The following CUX1 variants were observed in gnomAD, a reference collection of about 807,000 sequenced individuals.
CUX1 encodes the protein cut like homeobox 1.
Under a neutral mutation model 158.8 loss-of-function variants are expected in CUX1, and 31 were observed. The ratio of observed to expected loss-of-function variants is 0.20; its 90% CI spans 0.15 to 0.26. The LOEUF (loss-of-function observed/expected upper bound fraction) is 0.26, where lower values mean the gene tolerates loss of function less well. CUX1 is among the 10% of genes least tolerant of loss of function. The pLI is 1.00. For synonymous variants in CUX1, 879 were observed against 862.1 expected (o/e 1.02, Z -0.34); for missense variants, 1,589 against 2,014.6 (o/e 0.79, Z 4.04).
intron 1 of CUX1, among the ~76,000 whole-genome samples, chr7:101,863,814 T>C (rs1253429198): frequency 1.3e-4 from 20 of 152,242 alleles, no homozygotes. Flanking sequence ...TGTCTTTCTG[T>C]GACTGGCTCA....
chr7:102,102,057 C>T (rs1235622032), intron 5 of CUX1, among the ~76,000 whole-genome samples: 3 of 152,130 alleles, frequency 2.0e-5, no homozygotes, highest in African/African-American at 7.2e-5. Context: ...ACTTTGGCCT[C>T]GTCCGTATGG....
rs372259130 is a variant in CUX1 at position 101,890,820 on chromosome 7, G to A, written c.31-25295G>A. ...ACTCTTCCAGGCTGTGGCTGTTACC[G>A]TCACCATCTCCTGCTTCTCACTTTA... On this transcript the variant is annotated intron_variant, in intron 1 of 23. Transcript: ENST00000292535. Among the ~76,000 whole-genome samples, 6 of 152,074 alleles carry A rather than the reference G, an allele frequency of 3.9e-5. No individual in the cohort carries two copies. The East Asian group carries it at 1.2e-3, about 29-fold the overall frequency.
At chr7:101,984,534 C>T (rs1814027159) in intron 2 of CUX1, among the ~76,000 whole-genome samples, 1 of 150,942 alleles carries the variant, frequency 6.6e-6, no homozygotes, top group Admixed American at 6.6e-5. Context: ...CAGTGAGAAC[C>T]TGCCCTGCAC....
At chr7:101,864,675 C>T (rs774640845) in intron 1 of CUX1, among the ~76,000 whole-genome samples, 6 of 151,952 alleles carry the variant, frequency 3.9e-5, no homozygotes, top group African/African-American at 7.3e-5. Flanking sequence ...CTCAGCCTCC[C>T]GAGTAGCTGG....
chr7:102,114,543 T>G (rs1280057584), intron 7 of CUX1, among the ~76,000 whole-genome samples: 2 of 152,162 alleles, frequency 1.3e-5, no homozygotes, highest in African/African-American at 4.8e-5. Flanking sequence ...TCCCAAAGTG[T>G]GAGCCACCTC....
chr7:102,119,785 G>C (rs1831841401), intron 8 of CUX1, among the ~76,000 whole-genome samples: 1 of 152,036 alleles, frequency 6.6e-6, no homozygotes. Flanking sequence ...GGCCTCAGGT[G>C]ATCCTCCCGT....
At chr7:102,268,514 T>C (rs1790971460) in intron 14 of CUX1, among the ~76,000 whole-genome samples, 2 of 152,154 alleles carry the variant, frequency 1.3e-5, no homozygotes, top group South Asian at 4.1e-4. Context: ...ACCCCCTTTG[T>C]GGATCACCCC....
chr7:102,168,246 C>T (rs1791273194), intron 9 of CUX1, among the ~76,000 whole-genome samples: 2 of 152,094 alleles, frequency 1.3e-5, no homozygotes, highest in Non-Finnish European at 2.9e-5. Flanking sequence ...CTAGACACAC[C>T]CACCCAGGCA....
intron 2 of CUX1, among the ~76,000 whole-genome samples, chr7:102,012,643 G>A (rs1308658474): frequency 2.0e-5 from 3 of 151,468 alleles, no homozygotes; most frequent in African/African-American, 4.9e-5. Context: ...TGAAGAGATG[G>A]CCCTGGCTGC....
At chr7:102,198,728 T>C (rs1256430713) in intron 15 of CUX1, 74 bp from the exon 16 acceptor site, 2 of 1,331,848 alleles carry the variant, frequency 1.5e-6, no homozygotes, top group East Asian at 4.6e-5. Context: ...TCAGATTTCA[T>C]GTCACACAGC....
At chr7:102,118,557 T>C (rs1312893831) in intron 8 of CUX1, among the ~76,000 whole-genome samples, 5 of 152,126 alleles carry the variant, frequency 3.3e-5, no homozygotes, top group Admixed American at 2.6e-4. Context: ...GATTCTTAAA[T>C]ATTTGTTGAC....
At chr7:102,114,479 T>G (rs1035478775) in intron 7 of CUX1, among the ~76,000 whole-genome samples, 1 of 152,068 alleles carries the variant, frequency 6.6e-6, no homozygotes, top group Admixed American at 6.6e-5. Context: ...GTTTCGCCAT[T>G]TTGGCCAGGC....
intron 1 of CUX1, among the ~76,000 whole-genome samples, chr7:101,861,886 G>A (rs1300160698): frequency 6.6e-6 from 1 of 151,894 alleles, no homozygotes; most frequent in African/African-American, 2.4e-5. Flanking sequence ...CCAGGCTGGA[G>A]TGCAGTGGCA....
chr7:101,848,210 A>C (rs895101375), intron 1 of CUX1, among the ~76,000 whole-genome samples: 18 of 151,948 alleles, frequency 1.2e-4, no homozygotes, highest in African/African-American at 4.4e-4. Flanking sequence ...TACATGTTTT[A>C]TTTCTTTTAT....
intron 2 of CUX1, among the ~76,000 whole-genome samples, chr7:102,010,357 G>C (rs752376699): frequency 7.2e-6 from 1 of 139,430 alleles, no homozygotes; most frequent in South Asian, 2.3e-4. Flanking sequence ...TCACGCCACT[G>C]TACTCCAGCC....
At chr7:101,927,151 C>G (rs1365620133) in intron 2 of CUX1, among the ~76,000 whole-genome samples, 2 of 58,474 alleles carry the variant, frequency 3.4e-5, no homozygotes, top group African/African-American at 1.2e-4. Context: ...CAACACAACA[C>G]ACACACACAC....
At chr7:101,959,523 G>A (rs1300910157) in intron 2 of CUX1, 1 of 152,162 alleles carries the variant, frequency 6.6e-6, no homozygotes, top group Non-Finnish European at 1.5e-5. Flanking sequence ...TGAGTCCTCA[G>A]TGTTCTGCCT....
chr7:102,227,693 A>G, intron 21 of CUX1, 24 bp downstream of exon 21: 1 of 1,591,342 alleles, frequency 6.3e-7, no homozygotes, highest in South Asian at 1.1e-5. Flanking sequence ...TCGGCTGCTG[A>G]GTCAGGAGGT....
intron 9 of CUX1, among the ~76,000 whole-genome samples, chr7:102,168,876 G>A (rs1262329318): frequency 6.6e-6 from 1 of 150,552 alleles, no homozygotes; most frequent in East Asian, 1.9e-4. Flanking sequence ...GACGCTGCTT[G>A]GCCAGGCTTT....
Sources: allele counts gnomAD v4.1 joint callset (sites outside exome capture counted in the v4.1 genomes callset), GRCh38; gene constraint gnomAD v4.1.1; transcripts MANE v1.5; gene names NCBI Gene and HGNC (gene_info 2026-07-23, HGNC 2026-07-21).